NOX4: variants seen among roughly 807,000 people sequenced by gnomAD.
NOX4 encodes kidney oxidase-1.
In NOX4, 69 loss-of-function variants were observed where a neutral mutation model predicts 87.6. The ratio of observed to expected loss-of-function variants is 0.79; its 90% CI spans 0.65 to 0.96. NOX4 has a LOEUF of 0.96. NOX4 is among the 40% of genes least tolerant of loss of function. The pLI, the probability that NOX4 is intolerant of heterozygous loss-of-function variation, is 0.00. For missense variants in NOX4, 680 were observed against 681.5 expected (o/e 1.00, Z 0.02); for synonymous variants, 275 against 238.2 (o/e 1.15, Z -1.42).
intron 11 of NOX4, among the ~76,000 whole-genome samples, chr11:89,386,073 G>A (rs1940679547): frequency 6.6e-6 from 1 of 152,040 alleles, no homozygotes; most frequent in Non-Finnish European, 1.5e-5. Context: ...AAATCATCAA[G>A]CTCAGCCTCC....
chr11:89,385,384 C>A (rs967183308), intron 11 of NOX4, among the ~76,000 whole-genome samples: 2 of 152,132 alleles, frequency 1.3e-5, no homozygotes, highest in Non-Finnish European at 2.9e-5. Context: ...AGCTAGCATT[C>A]CAACTTCTGT....
chr11:89,395,885 C>T (rs533980695), intron 11 of NOX4, among the ~76,000 whole-genome samples: 18 of 152,102 alleles, frequency 1.2e-4, no homozygotes, highest in Non-Finnish European at 2.4e-4. Flanking sequence ...GTAGCAGTAC[C>T]ATGCTGTTTT....
intron 8 of NOX4, among the ~76,000 whole-genome samples, chr11:89,416,417 C>T (rs1325014864): frequency 1.3e-5 from 2 of 152,214 alleles, no homozygotes; most frequent in Non-Finnish European, 2.9e-5. Flanking sequence ...TGAAGGAAGA[C>T]TTCCACGAAA....
At position 89,456,183 on chromosome 11, in the gene NOX4, C is replaced by A. The variant is rs146392516; in HGVS notation, c.154-4288G>T. Among the ~76,000 whole-genome samples the A allele has an allele frequency of 5.4e-3, 826 of 151,908 alleles. 5 individuals are homozygous for A. The highest frequency in any genetic ancestry group is 0.01 in the Non-Finnish European group (692 of 67,962). The stretch of plus-strand genomic sequence containing the variant: ...ATCAAAATATCATGTGTATTTTATA[C>A]ATATATACAATTACTATAATAATTA... On this transcript the variant is annotated intron_variant, in intron 2 of 17. Transcript: ENST00000263317.
chr11:89,526,404 T>A, the NOX4 span, among the ~76,000 whole-genome samples: 1 of 152,206 alleles, frequency 6.6e-6, no homozygotes, highest in Non-Finnish European at 1.5e-5. Context: ...TTCCCTGAAC[T>A]TTGATCTCCT....
chr11:89,444,042 C>T, intron 5 of NOX4, 93 bp downstream of exon 5: 1 of 985,978 alleles, frequency 1.0e-6, no homozygotes, highest in Non-Finnish European at 1.6e-6. Flanking sequence ...TCAAAAGGAG[C>T]AGTAAGGTAC....
chr11:89,513,569 T>G, the NOX4 span, among the ~76,000 whole-genome samples: 2 of 151,908 alleles, frequency 1.3e-5, no homozygotes, highest in Non-Finnish European at 2.9e-5. Flanking sequence ...AACAAAAAAA[T>G]AGCCTCCAGA....
intron 8 of NOX4, among the ~76,000 whole-genome samples, chr11:89,405,732 G>A (rs1942133165): frequency 2.1e-5 from 3 of 144,574 alleles, no homozygotes; most frequent in South Asian, 2.2e-4. Flanking sequence ...GTATTGAAAG[G>A]CCACCTACTG....
At chr11:89,451,119 C>T (rs1480534264) in intron 3 of NOX4, among the ~76,000 whole-genome samples, 17 of 150,910 alleles carry the variant, frequency 1.1e-4, no homozygotes, top group South Asian at 6.3e-4. Context: ...TGTTAAATGA[C>T]GAGTTAATGG....
chr11:89,552,439 T>C, the NOX4 span, among the ~76,000 whole-genome samples: 1 of 152,176 alleles, frequency 6.6e-6, no homozygotes, highest in Non-Finnish European at 1.5e-5. Flanking sequence ...TCTGTCTCTT[T>C]TCATCTCTAT....
chr11:89,427,155 G>A (rs1324866641), intron 7 of NOX4, among the ~76,000 whole-genome samples: 2 of 152,186 alleles, frequency 1.3e-5, no homozygotes, highest in African/African-American at 4.8e-5. Context: ...ACCTGCAGCT[G>A]AGGGTCCTGA....
chr11:89,466,480 C>T (rs1466083174), intron 2 of NOX4, among the ~76,000 whole-genome samples: 2 of 152,156 alleles, frequency 1.3e-5, no homozygotes, highest in African/African-American at 2.4e-5. Context: ...ATAGAGTTAA[C>T]TTATTGCCAT....
chr11:89,382,983 C>T (rs183536071), intron 11 of NOX4, among the ~76,000 whole-genome samples: 47 of 152,142 alleles, frequency 3.1e-4, no homozygotes, highest in Admixed American at 9.8e-4. Context: ...CCCAGAGGGG[C>T]CAGAAGGTCA....
intron 13 of NOX4, among the ~76,000 whole-genome samples, chr11:89,353,065 T>C (rs1937684044): frequency 6.6e-6 from 1 of 152,200 alleles, no homozygotes; most frequent in Non-Finnish European, 1.5e-5. Flanking sequence ...GCGATCCACC[T>C]GCCTCGGCTT....
intron 17 of NOX4, among the ~76,000 whole-genome samples, chr11:89,328,071 A>G (rs1945291915): frequency 6.6e-6 from 1 of 152,156 alleles, no homozygotes; most frequent in Admixed American, 6.6e-5. Flanking sequence ...AAGATTGGTG[A>G]CTACACTGAG....
Position 89,437,224 on chromosome 11 carries a change from C to T in NOX4, c.475+3464G>A, listed in dbSNP as rs189564899. Among the ~76,000 whole-genome samples the T allele has an allele frequency of 1.1e-4, 17 of 151,864 alleles. No homozygotes were observed. The East Asian group carries it at 2.1e-3, about 19-fold the overall frequency. ...AAAAAAAAAATACAAAAAACTTAGCCGGGCATGGTGACGGGCACCTGTAAT... is the reference window on the plus strand; with the variant it reads ...AAAAAAAAAATACAAAAAACTTAGCTGGGCATGGTGACGGGCACCTGTAAT... On this transcript the variant is annotated intron_variant, in intron 6 of 17. Transcript: ENST00000263317.
the NOX4 span, among the ~76,000 whole-genome samples, chr11:89,526,229 T>C: frequency 6.6e-6 from 1 of 152,200 alleles, no homozygotes; most frequent in Non-Finnish European, 1.5e-5. Flanking sequence ...ATTAAAAACA[T>C]ACTGCATTTA....
chr11:89,531,777 T>C, the NOX4 span, among the ~76,000 whole-genome samples: 7 of 152,220 alleles, frequency 4.6e-5, no homozygotes, highest in Admixed American at 1.3e-4. Flanking sequence ...GCCCCTCCCA[T>C]CACAGGCCCA....
intron 12 of NOX4, among the ~76,000 whole-genome samples, chr11:89,362,477 C>A (rs551652177): frequency 2.7e-4 from 41 of 152,164 alleles, no homozygotes; most frequent in African/African-American, 9.6e-4. Flanking sequence ...TTGACTCTAT[C>A]AGTTAAGTAT....
Sources: gnomAD v4.1 joint callset for allele counts (sites outside exome capture counted in the v4.1 genomes callset) on GRCh38, gnomAD v4.1.1 for gene constraint, MANE v1.5 for transcripts, NCBI Gene and HGNC (gene_info 2026-07-23, HGNC 2026-07-21) for gene names.